Variants in AXIN1 observed in about 807,000 individuals in gnomAD.
The protein encoded by AXIN1 is axin 1.
Under a neutral mutation model 76.4 loss-of-function variants are expected in AXIN1, and 30 were observed. That is an observed-to-expected ratio of 0.39 (90% CI 0.29 to 0.53). The LOEUF (loss-of-function observed/expected upper bound fraction) is 0.53. AXIN1 is among the 20% of genes least tolerant of loss of function. The pLI is 0.66. For missense variants in AXIN1, 1,140 were observed against 1,198.8 expected, an observed-to-expected ratio of 0.95 and a Z score of 0.72; for synonymous variants, 545 against 501.4, an observed-to-expected ratio of 1.09 and a Z score of -1.16.
chr16:312,840 T>G (rs913794045), intron 3 of AXIN1, among the ~76,000 whole-genome samples: 2 of 152,200 alleles, frequency 1.3e-5, no homozygotes, highest in Admixed American at 1.3e-4. Context: ...TGACAACTTG[T>G]TCTCCTCATC....
chr16:320,857 A>C (rs1362185910), intron 2 of AXIN1, among the ~76,000 whole-genome samples: 3 of 115,014 alleles, frequency 2.6e-5, no homozygotes, highest in Non-Finnish European at 3.6e-5. Flanking sequence ...CTCCTGCCTC[A>C]GCCTCCCGAG....
At chr16:298,481 T>C (rs1267519463) in intron 5 of AXIN1, among the ~76,000 whole-genome samples, 1 of 152,224 alleles carries the variant, frequency 6.6e-6, no homozygotes, top group Admixed American at 6.5e-5. Context: ...GTATCGGCTG[T>C]GGGCAGAGCT....
At position 297,965 on chromosome 16, in the gene AXIN1, C is replaced by G. The variant is rs1567266169; in HGVS notation, c.1541G>C (p.Gly514Ala). The change falls in exon 6 of 11, where the codon GGG becomes GCG. Residue 514 changes from glycine to alanine, a missense_variant. Around this residue, in one of 3 missense-constraint regions of AXIN1, gnomAD observed 708 missense variants for 776.9 expected, o/e 0.91. Coordinates refer to ENST00000262320, the MANE Select transcript of AXIN1 (RefSeq NM_003502.4). Reference protein sequence around the residue: ...VALGGAASGHGKHVPKSGAKL... With the variant: ...VALGGAASGHAKHVPKSGAKL... The stretch of plus-strand genomic sequence containing the variant: ...CGCCCCTGACTTGGGTACGTGCTTC[C>G]CGTGCCCCGAGGCGGCACCCCCCAG... The G allele has an allele frequency of 6.2e-7, 1 of 1,602,764 alleles. No individual in the cohort carries two copies. Among genetic ancestry groups the G allele is most frequent in the Non-Finnish European group, 8.5e-7 (1 of 1,177,338 alleles).
At position 295,410 on chromosome 16, in the gene AXIN1, T is replaced by C. The variant is rs191199075; in HGVS notation, c.1955+1646A>G. 4.5e-3 allele frequency among the ~76,000 whole-genome samples: 686 copies of C among 152,096 alleles called. 5 individuals carry two copies. The highest frequency in any genetic ancestry group is 0.016 in the African/African-American group (656 of 41,494). On this transcript the variant is annotated intron_variant, in intron 7 of 10. Transcript: ENST00000262320. Reference sequence around the variant, plus strand: ...GGCTTCTTTTTTTACATTTTATTTTTAACAGCTTTACTGGGATACAAATTA... The same window carrying C: ...GGCTTCTTTTTTTACATTTTATTTTCAACAGCTTTACTGGGATACAAATTA...
chr16:297,233 G>A lies in AXIN1; in HGVS notation c.1785-7C>T, dbSNP rs760461998. The A allele has an allele frequency of 6.2e-7, 1 of 1,604,640 alleles. No individual in the cohort carries two copies. The highest frequency in any genetic ancestry group is 8.5e-7 in the Non-Finnish European group (1 of 1,179,822). ...CGCCACGCCCACCTTCCCACTGCAA[G>A]GGCAAGAGCTGCGAGTCGCCCTGGC... On this transcript the variant is annotated splice_region_variant and splice_polypyrimidine_tract_variant and intron_variant, in intron 6 of 10. Coordinates refer to ENST00000262320, the MANE Select transcript of AXIN1 (RefSeq NM_003502.4).
intron 2 of AXIN1, 41 bp downstream of exon 2, chr16:346,107 G>A (rs769657157): frequency 9.4e-6 from 15 of 1,594,972 alleles, no homozygotes; most frequent in Non-Finnish European, 1.3e-5. Context: ...TCCAGCTCTC[G>A]GAGGTGAGTA....
At position 348,076 on chromosome 16, in the gene AXIN1, A is replaced by ACTG. The variant is rs1271780801; in HGVS notation, c.-81-973_-81-971dup. ...GGGAACTATAGAATTTGCTGCTACT[A>ACTG]CTGCTGCTGCTGCTACAAGCCTGCA... On this transcript the variant is annotated intron_variant, in intron 1 of 10. Coordinates refer to ENST00000262320, the MANE Select transcript of AXIN1 (RefSeq NM_003502.4). 1.2e-4 allele frequency among the ~76,000 whole-genome samples: 18 copies of ACTG among 152,326 alleles called. No homozygotes were observed. The South Asian group carries it at 3.7e-3, about 32-fold the overall frequency.
rs1193447866 is a variant in AXIN1, at chr16:352,485, G to A, written c.-198C>T. 6 of 929,838 alleles carry A rather than the reference G, an allele frequency of 6.5e-6. No individual in the cohort carries two copies. In the Admixed American group the frequency reaches 1.9e-4, roughly 30 times the overall value. 57.6% of individuals were successfully genotyped at this position (929,838 alleles called of 1,614,324 possible). On this transcript the variant is annotated 5_prime_UTR_variant, in exon 1 of 11. Transcript: ENST00000262320. ...GGACCCGGCGGGGGCGCGGCCCGGG[G>A]CGGCCCCCATCTCGGCGGCTGCGGC...
At chr16:352,256 C>A (rs1340227173) in intron 1 of AXIN1, 113 bp downstream of exon 1, 1 of 635,570 alleles carries the variant, frequency 1.6e-6, no homozygotes, top group South Asian at 6.8e-5. Context: ...GCTCCCCGCG[C>A]GCCCACCCCC....
rs549058155 is a variant in AXIN1 at position 320,068 on chromosome 16, G to A, written c.879-5385C>T. On this transcript the variant is annotated intron_variant, in intron 2 of 10. Transcript: ENST00000262320. Reference sequence around the variant, plus strand: ...CATCACACCTGCCTCTTCCCAGGCCGCATGAGAACCTCAGAACCGACAGCC... The same window carrying A: ...CATCACACCTGCCTCTTCCCAGGCCACATGAGAACCTCAGAACCGACAGCC... Among the ~76,000 whole-genome samples, 6 of 152,200 alleles carry A rather than the reference G, an allele frequency of 3.9e-5. No individual in the cohort carries two copies. In the East Asian group the frequency reaches 7.7e-4, roughly 20 times the overall value.
intron 2 of AXIN1, among the ~76,000 whole-genome samples, chr16:335,371 A>G (rs1254649838): frequency 3.9e-5 from 6 of 152,018 alleles, no homozygotes; most frequent in South Asian, 2.1e-4. Flanking sequence ...ACAGTACCAC[A>G]GCATGCCAAT....
At chr16:335,723 A>G (rs2053789650) in intron 2 of AXIN1, among the ~76,000 whole-genome samples, 1 of 152,192 alleles carries the variant, frequency 6.6e-6, no homozygotes, top group Non-Finnish European at 1.5e-5. Context: ...CCTAAAGAGT[A>G]ACTGTTTCAA....
chr16:313,983 C>T (rs1213147952), intron 3 of AXIN1, among the ~76,000 whole-genome samples: 1 of 152,262 alleles, frequency 6.6e-6, no homozygotes, highest in African/African-American at 2.4e-5. Context: ...AGGGACAAGA[C>T]AGGACCCTGT....
chr16:344,468 C>T (rs372976293), intron 2 of AXIN1, among the ~76,000 whole-genome samples: 169 of 141,322 alleles, frequency 1.2e-3, no homozygotes, highest in African/African-American at 4.1e-3. Context: ...CCTACACAAT[C>T]CTTTTTTGTT....
chr16:346,223 G>A lies in AXIN1; in HGVS notation c.803C>T (p.Pro268Leu), dbSNP rs747747465. The change falls in exon 2 of 11, where the codon CCT (proline) becomes CTT (leucine). Residue 268 changes from proline to leucine, a missense_variant. By Grantham distance (98) the Pro-to-Leu change is moderately conservative (BLOSUM62 -3). This residue lies in a region of AXIN1 where 708 missense variants were observed against 776.9 expected (regional missense o/e 0.91). Transcript: ENST00000262320. ...AGCTGTCTCCAGGAGCAGCTTCTGA[G>A]GGAGTCTTCCGGGGGGAGCAGCGTC... ...GRDAAPPGRL[P>L]QKLLLETAAP... 2 of 1,614,094 alleles carry A rather than the reference G, an allele frequency of 1.2e-6. No individual in the cohort carries two copies. The highest frequency in any genetic ancestry group is 1.7e-6 in the Non-Finnish European group (2 of 1,180,024).
chr16:341,316 A>AG (rs1337833141), intron 2 of AXIN1, among the ~76,000 whole-genome samples: 10 of 152,230 alleles, frequency 6.6e-5, no homozygotes, highest in Admixed American at 5.9e-4. Context: ...GGCCAGCTGG[A>AG]GTCCCGGGTG....
At chr16:289,414 G>A in intron 10 of AXIN1, 26 bp downstream of exon 10, 1 of 1,612,226 alleles carries the variant, frequency 6.2e-7, no homozygotes, top group Non-Finnish European at 8.5e-7. Flanking sequence ...CGTGCGGGGA[G>A]GGGGCACCCC....
At chr16:303,418 G>T (rs906153765) in intron 5 of AXIN1, among the ~76,000 whole-genome samples, 1 of 150,994 alleles carries the variant, frequency 6.6e-6, no homozygotes, top group South Asian at 2.1e-4. Flanking sequence ...TTTCACTCTT[G>T]TCATCCAGGC....
At chr16:324,924 C>T (rs561081830) in intron 2 of AXIN1, among the ~76,000 whole-genome samples, 71 of 152,336 alleles carry the variant, frequency 4.7e-4, no homozygotes, top group African/African-American at 1.5e-3. Flanking sequence ...TTCCTAAGGG[C>T]GCAGAACTCC....
Sources: allele counts gnomAD v4.1 joint callset (sites outside exome capture counted in the v4.1 genomes callset), GRCh38; gene constraint gnomAD v4.1.1; regional missense constraint gnomAD v4.1.1; transcripts MANE v1.5; gene names NCBI Gene and HGNC (gene_info 2026-07-23, HGNC 2026-07-21).